Variants in GALNT18 observed in about 807,000 individuals in gnomAD.
GALNT18 encodes polypeptide N-acetylgalactosaminyltransferase 18.
GALNT18 carries 44 observed loss-of-function variants against 69.5 expected under a neutral mutation model. The observed-to-expected ratio is 0.63, with a 90% CI of 0.50 to 0.81. The LOEUF (loss-of-function observed/expected upper bound fraction) is 0.81. Among genes scored for constraint, GALNT18 ranks in the 40% least tolerant of loss-of-function variants. The probability of loss-of-function intolerance (pLI) is 0.00; values close to 1 mark genes in which losing one functional copy is unlikely to be tolerated. For synonymous variants in GALNT18, 364 were observed against 318.2 expected, an observed-to-expected ratio of 1.14 and a Z score of -1.53; for missense variants, 715 against 810.0, an observed-to-expected ratio of 0.88 and a Z score of 1.42.
In GALNT18 at chr11:11,415,091, G is replaced by A. The variant is rs770524774; in HGVS notation, c.595+17530C>T. Among the ~76,000 whole-genome samples, 2 of 152,200 alleles carry A rather than the reference G, an allele frequency of 1.3e-5. No individual in the cohort carries two copies. Among genetic ancestry groups the A allele is most frequent in the East Asian group, 1.9e-4 (1 of 5,194 alleles). On this transcript the variant is annotated intron_variant, in intron 3 of 10. Coordinates refer to ENST00000227756, the MANE Select transcript of GALNT18 (RefSeq NM_198516.3). This position sits in a 1 kb window ranked among gnomAD's most constrained non-coding sequence, Gnocchi z 4.1. ...CAAGAGGCTGCCCAATCTCCTTGCC[G>A]CATGGACAGTTCACAGCATGGGTCT...
Position 11,605,563 on chromosome 11 carries a change from T to C in GALNT18, c.235+15796A>G, listed in dbSNP as rs1859732866. Among the ~76,000 whole-genome samples, 2 of 152,120 alleles carry C rather than the reference T, an allele frequency of 1.3e-5. No homozygotes were observed. Among genetic ancestry groups the C allele is most frequent in the Admixed American group, 1.3e-4 (2 of 15,278 alleles). ...AGGGAAAGCCAGAGGCCAACTTCCCTTTACCTCTGGGGTCCCAAGCACTCT... is the reference window on the plus strand; with the variant it reads ...AGGGAAAGCCAGAGGCCAACTTCCCCTTACCTCTGGGGTCCCAAGCACTCT... On this transcript the variant is annotated intron_variant, in intron 1 of 10. Coordinates refer to ENST00000227756, the MANE Select transcript of GALNT18 (RefSeq NM_198516.3). The surrounding 1 kb of genome is among the most constrained non-coding windows in gnomAD (Gnocchi z 4.7).
At position 11,606,370 on chromosome 11, in the gene GALNT18, G is replaced by A. The variant is rs1170031964; in HGVS notation, c.235+14989C>T. Among the ~76,000 whole-genome samples, 1 of 152,178 alleles carries A rather than the reference G, an allele frequency of 6.6e-6. No individual in the cohort carries two copies. Among genetic ancestry groups the A allele is most frequent in the East Asian group, 1.9e-4 (1 of 5,200 alleles). On this transcript the variant is annotated intron_variant, in intron 1 of 10. Coordinates refer to ENST00000227756, the MANE Select transcript of GALNT18 (RefSeq NM_198516.3). The surrounding 1 kb of genome is among the most constrained non-coding windows in gnomAD (Gnocchi z 5.4). Reference sequence around the variant, plus strand: ...AGTATGATTTTCTCATCTGTAAAATGGGGCTAATTATCTCACAGCCTTATT... The same window carrying A: ...AGTATGATTTTCTCATCTGTAAAATAGGGCTAATTATCTCACAGCCTTATT...
At chr11:11,271,807 C>T (rs1848833952) in intron 10 of GALNT18, among the ~76,000 whole-genome samples, 1 of 152,198 alleles carries the variant, frequency 6.6e-6, no homozygotes. Context: ...TAAGTCCTGA[C>T]ATGCATGATT....
intron 9 of GALNT18, among the ~76,000 whole-genome samples, chr11:11,313,299 T>C (rs1387342556): frequency 1.3e-5 from 2 of 152,108 alleles, no homozygotes; most frequent in Non-Finnish European, 2.9e-5. Flanking sequence ...GTGGCCTGTG[T>C]TCAAGCCCAG....
chr11:11,423,159 T>C (rs970269857), intron 3 of GALNT18, among the ~76,000 whole-genome samples: 1 of 152,160 alleles, frequency 6.6e-6, no homozygotes, highest in Non-Finnish European at 1.5e-5. Flanking sequence ...CATGGATGCA[T>C]TAACACATAC....
At chr11:11,279,782 C>T (rs887422416) in intron 10 of GALNT18, among the ~76,000 whole-genome samples, 1 of 152,196 alleles carries the variant, frequency 6.6e-6, no homozygotes, top group African/African-American at 2.4e-5. Flanking sequence ...AAGGGTGTTG[C>T]TAGCAGTCCT....
chr11:11,456,882 G>T (rs1590019915), intron 1 of GALNT18, among the ~76,000 whole-genome samples: 1 of 152,176 alleles, frequency 6.6e-6, no homozygotes, highest in Non-Finnish European at 1.5e-5. Flanking sequence ...CTGACACACA[G>T]CCCATTGATA....
intron 1 of GALNT18, among the ~76,000 whole-genome samples, chr11:11,510,689 C>T (rs370281519): frequency 6.6e-6 from 1 of 152,348 alleles, no homozygotes; most frequent in East Asian, 1.9e-4. Flanking sequence ...AGCTACTGTG[C>T]CACTTTTCAC....
chr11:11,327,003 C>T lies in GALNT18; in HGVS notation c.1512+83G>A, dbSNP rs116157475. ...CCATGACAGAGCCTAGCTCTCCTTC[C>T]CCATGACAGAGCCTAGCTCTCCTTC... On this transcript the variant is annotated intron_variant, in intron 9 of 10. Coordinates refer to ENST00000227756, the MANE Select transcript of GALNT18 (RefSeq NM_198516.3). 5.5e-3 allele frequency: 5,611 copies of T among 1,027,694 alleles called. 169 individuals are homozygous for T. The African/African-American group carries it at 0.074, about 14-fold the overall frequency. The allele number at this position is 1,027,694 out of a possible 1,614,324, so 63.7% of individuals were successfully genotyped here. A position where few individuals can be genotyped will look rare whatever the true frequency, so the allele number is the denominator to read the frequency against.
At chr11:11,490,221 T>TAA (rs1856734133) in intron 1 of GALNT18, among the ~76,000 whole-genome samples, 4 of 78,390 alleles carry the variant, frequency 5.1e-5, no homozygotes, top group Admixed American at 1.8e-4. Flanking sequence ...TCTCTCTCTC[T>TAA]CTCTCTCTCT....
Position 11,447,149 on chromosome 11 carries a change from G to A in GALNT18, c.428+1595C>T, listed in dbSNP as rs142950814. On this transcript the variant is annotated intron_variant, in intron 2 of 10. Transcript: ENST00000227756. The stretch of plus-strand genomic sequence containing the variant: ...CTCCTTCCTCTTCCTCAAACATGAC[G>A]TGCCATGCGTGCTTCTGCCTCAGGG... Among the ~76,000 whole-genome samples the A allele has an allele frequency of 1.1e-4, 17 of 152,168 alleles. No homozygotes were observed. The East Asian group carries it at 1.2e-3, about 10-fold the overall frequency.
chr11:11,392,321 C>A (rs1854213477), intron 3 of GALNT18, among the ~76,000 whole-genome samples: 2 of 152,310 alleles, frequency 1.3e-5, no homozygotes, highest in Admixed American at 6.5e-5. Context: ...CACTGGTAAG[C>A]CTCAGAACTA....
intron 1 of GALNT18, among the ~76,000 whole-genome samples, chr11:11,467,296 T>C (rs566423914): frequency 2.0e-4 from 31 of 152,236 alleles, no homozygotes; most frequent in African/African-American, 7.5e-4. Flanking sequence ...CCAACCTAGG[T>C]CACCCATGGC....
At chr11:11,467,145 G>A (rs1371071346) in intron 1 of GALNT18, among the ~76,000 whole-genome samples, 1 of 152,144 alleles carries the variant, frequency 6.6e-6, no homozygotes, top group Non-Finnish European at 1.5e-5. Context: ...ACATCACCGT[G>A]TGTGCCCACC....
Position 11,491,247 on chromosome 11 carries a change from T to C in GALNT18, c.236-42311A>G, listed in dbSNP as rs145096924. Among the ~76,000 whole-genome samples, 171 of 152,274 alleles carry C rather than the reference T, an allele frequency of 1.1e-3. 4 individuals are homozygous for C. The highest frequency in any genetic ancestry group is 3.9e-3 in the African/African-American group (164 of 41,538). On this transcript the variant is annotated intron_variant, in intron 1 of 10. Coordinates refer to ENST00000227756, the MANE Select transcript of GALNT18 (RefSeq NM_198516.3). ...GAGCTCTGTGGCAGCTGCTCACTTA[T>C]AAGACATGTCCTATGAATCATTTGC...
chr11:11,492,744 C>T (rs887290217), intron 1 of GALNT18, among the ~76,000 whole-genome samples: 5 of 3,908 alleles, frequency 1.3e-3, no homozygotes, highest in East Asian at 0.011. Flanking sequence ...CGGGGCCTTT[C>T]GGGGGGTGGG....
intron 1 of GALNT18, among the ~76,000 whole-genome samples, chr11:11,468,923 G>A (rs1301812104): frequency 6.6e-6 from 1 of 152,200 alleles, no homozygotes; most frequent in East Asian, 1.9e-4. Flanking sequence ...AGATGGATAG[G>A]TGAATGAGTA....
intron 6 of GALNT18, among the ~76,000 whole-genome samples, chr11:11,359,829 T>C (rs572611648): frequency 6.6e-6 from 1 of 152,332 alleles, no homozygotes; most frequent in Admixed American, 6.5e-5. Context: ...GGCATTCATT[T>C]TAAAACCAGT....
intron 3 of GALNT18, among the ~76,000 whole-genome samples, chr11:11,384,234 T>G (rs1853995526): frequency 6.6e-6 from 1 of 152,146 alleles, no homozygotes; most frequent in Non-Finnish European, 1.5e-5. Context: ...TCTGGGAGAT[T>G]AATTAGGTCA....
Sources: allele counts gnomAD v4.1 joint callset (sites outside exome capture counted in the v4.1 genomes callset), GRCh38; gene constraint gnomAD v4.1.1; non-coding constraint Gnocchi (gnomAD v3.1); transcripts MANE v1.5; gene names NCBI Gene and HGNC (gene_info 2026-07-23, HGNC 2026-07-21).